Variants in CDKN2B-AS1 observed in about 807,000 individuals in gnomAD.
CDKN2B-AS1 encodes CDKN2B and CDKN2A antisense cis and trans regulatory RNA 1.
At chr9:22,085,582 G>A (rs899153405) in intron 4 of CDKN2B-AS1, among the ~76,000 whole-genome samples, 1 of 152,136 alleles carries the variant, frequency 6.6e-6, no homozygotes, top group South Asian at 2.1e-4. Context: ...TTAGCCAGGT[G>A]TGGTGGCGGG....
rs997286196 is a variant in CDKN2B-AS1, at chr9:22,000,346, C to T, written n.29+5185C>T. On this transcript the variant is annotated intron_variant and non_coding_transcript_variant, in intron 1 of 4. Coordinates refer to ENST00000650946, the Ensembl canonical transcript of CDKN2B-AS1. The surrounding 1 kb of genome is among the most constrained non-coding windows in gnomAD (Gnocchi z 4.1). Reference sequence around the variant, plus strand: ...GTGGTATGCTTCCCTAGAAAGGGGACGACCTTAAATCTTTCTGTTTATGGT... The same window carrying T: ...GTGGTATGCTTCCCTAGAAAGGGGATGACCTTAAATCTTTCTGTTTATGGT... Among the ~76,000 whole-genome samples the T allele has an allele frequency of 1.3e-5, 2 of 152,062 alleles. No individual in the cohort carries two copies. Among genetic ancestry groups the T allele is most frequent in the Non-Finnish European group, 2.9e-5 (2 of 67,982 alleles).
At chr9:22,033,626 T>A (rs975379740) in intron 1 of CDKN2B-AS1, among the ~76,000 whole-genome samples, 1 of 152,182 alleles carries the variant, frequency 6.6e-6, no homozygotes, top group Non-Finnish European at 1.5e-5. Context: ...TTGAAAGTTA[T>A]CTTTCTCAGG....
At chr9:22,068,271 C>T (rs1824145047) in intron 4 of CDKN2B-AS1, among the ~76,000 whole-genome samples, 1 of 152,154 alleles carries the variant, frequency 6.6e-6, no homozygotes, top group African/African-American at 2.4e-5. Flanking sequence ...ACCTCAAGGA[C>T]TTTACAATCA....
intron 2 of CDKN2B-AS1, among the ~76,000 whole-genome samples, chr9:22,048,951 G>A (rs1304584866): frequency 6.6e-6 from 1 of 152,156 alleles, no homozygotes; most frequent in Non-Finnish European, 1.5e-5. Context: ...AAGAGGTATA[G>A]TACTATGCTT....
intron 1 of CDKN2B-AS1, chr9:22,046,318 T>C (rs1823107762): frequency 6.6e-6 from 1 of 152,102 alleles, no homozygotes; most frequent in Non-Finnish European, 1.5e-5. Context: ...CTATTTCAGA[T>C]ATTGAGAAAC....
At chr9:22,101,017 C>T (rs2131355575) in intron 4 of CDKN2B-AS1, among the ~76,000 whole-genome samples, 1 of 152,272 alleles carries the variant, frequency 6.6e-6, no homozygotes, top group African/African-American at 2.4e-5. Flanking sequence ...CTATTCTTGA[C>T]TTGTTAGGAT....
intron 4 of CDKN2B-AS1, chr9:22,118,260 GGA>G (rs10627766): frequency 1.3e-4 from 19 of 150,478 alleles, no homozygotes; most frequent in Admixed American, 2.6e-4. Flanking sequence ...GTGAAAATGG[GGA>G]GAGAGAGAGA....
At chr9:22,122,428 G>C (rs1004814853) in intron 4 of CDKN2B-AS1, among the ~76,000 whole-genome samples, 1 of 152,108 alleles carries the variant, frequency 6.6e-6, no homozygotes, top group Admixed American at 6.6e-5. Context: ...TATTTTGTTT[G>C]TGTTACCTAT....
In CDKN2B-AS1 at chr9:21,997,748, A is replaced by G. The variant is rs1489363883; in HGVS notation, n.29+2587A>G. On this transcript the variant is annotated intron_variant and non_coding_transcript_variant, in intron 1 of 4. Transcript: ENST00000650946. The surrounding 1 kb of genome is among the most constrained non-coding windows in gnomAD (Gnocchi z 4.8). Reference sequence around the variant, plus strand: ...TTCAAGTCTACTGACTTAAATGTTAATCATATCTAAAAAATACCTCCACAG... The same window carrying G: ...TTCAAGTCTACTGACTTAAATGTTAGTCATATCTAAAAAATACCTCCACAG... 2.6e-5 allele frequency among the ~76,000 whole-genome samples: 4 copies of G among 152,048 alleles called. No individual in the cohort carries two copies. The highest frequency in any genetic ancestry group is 5.9e-5 in the Non-Finnish European group (4 of 68,024).
chr9:22,057,091 A>G lies in CDKN2B-AS1; in HGVS notation n.438+704A>G, dbSNP rs150370974. Among the ~76,000 whole-genome samples, 1,290 of 152,292 alleles carry G rather than the reference A, an allele frequency of 8.5e-3. 5 individuals carry two copies. The highest frequency in any genetic ancestry group is 0.02 in the Middle Eastern group (6 of 294). On this transcript the variant is annotated intron_variant and non_coding_transcript_variant, in intron 4 of 4. Transcript: ENST00000650946. Reference sequence around the variant, plus strand: ...CAAATAGGTAACTGCTGTTTTTGTTATAAGATAGTAATATTTGCCTCTGAG... The same window carrying G: ...CAAATAGGTAACTGCTGTTTTTGTTGTAAGATAGTAATATTTGCCTCTGAG...
chr9:22,008,075 C>T (rs954667552), intron 1 of CDKN2B-AS1, among the ~76,000 whole-genome samples: 1 of 152,062 alleles, frequency 6.6e-6, no homozygotes, highest in Non-Finnish European at 1.5e-5. Context: ...AAGCAGGATT[C>T]GTACTTAAAC....
intron 1 of CDKN2B-AS1, chr9:22,030,822 A>G (rs893623797): frequency 6.6e-6 from 1 of 152,186 alleles, no homozygotes; most frequent in Non-Finnish European, 1.5e-5. Context: ...TCATTAATAC[A>G]TTGCTAGGAA....
At chr9:22,042,092 A>G (rs1334110229) in intron 1 of CDKN2B-AS1, among the ~76,000 whole-genome samples, 1 of 152,040 alleles carries the variant, frequency 6.6e-6, no homozygotes, top group Non-Finnish European at 1.5e-5. Context: ...TCTACGGGTG[A>G]GATCACTGCT....
chr9:22,073,006 T>A (rs1300809171), intron 4 of CDKN2B-AS1, among the ~76,000 whole-genome samples: 2 of 152,178 alleles, frequency 1.3e-5, no homozygotes, highest in Non-Finnish European at 2.9e-5. Flanking sequence ...GCACAATTGA[T>A]GTTGAAAGTT....
chr9:22,124,745 C>G (rs4977575), intron 4 of CDKN2B-AS1, among the ~76,000 whole-genome samples: 95,465 of 152,068 alleles, frequency 0.63, 32,271 homozygotes, highest in African/African-American at 0.9. Flanking sequence ...GGCCAGAAGT[C>G]GTCTCAGCTA....
chr9:22,100,888 C>A (rs986961460), intron 4 of CDKN2B-AS1, among the ~76,000 whole-genome samples: 2 of 152,118 alleles, frequency 1.3e-5, no homozygotes, highest in Non-Finnish European at 2.9e-5. Flanking sequence ...GACTTCCATT[C>A]CCCTAATGAC....
intron 4 of CDKN2B-AS1, among the ~76,000 whole-genome samples, chr9:22,058,001 CA>C (rs1823643885): frequency 7.0e-6 from 1 of 142,684 alleles, no homozygotes; most frequent in Non-Finnish European, 1.5e-5. Flanking sequence ...CCTGTAATCC[CA>C]GCTACTGGGG....
At chr9:22,015,147 A>G (rs1175047969) in intron 1 of CDKN2B-AS1, among the ~76,000 whole-genome samples, 1 of 152,076 alleles carries the variant, frequency 6.6e-6, no homozygotes, top group Non-Finnish European at 1.5e-5. Flanking sequence ...GCTGGGTCAA[A>G]TGGTATTTCT....
chr9:22,105,794 A>C (rs1825638846), intron 4 of CDKN2B-AS1, among the ~76,000 whole-genome samples: 1 of 152,228 alleles, frequency 6.6e-6, no homozygotes, highest in South Asian at 2.1e-4. Flanking sequence ...AAGTGTGATA[A>C]AGACAGCATA....
Sources: gnomAD v4.1 joint callset for allele counts (sites outside exome capture counted in the v4.1 genomes callset) on GRCh38, gnomAD v4.1.1 for gene constraint, Gnocchi (gnomAD v3.1) non-coding constraint, MANE v1.5 for transcripts, NCBI Gene and HGNC (gene_info 2026-07-23, HGNC 2026-07-21) for gene names.